The following TMEM192 variants were observed in gnomAD, a reference collection of about 807,000 sequenced individuals.
The protein encoded by TMEM192 is transmembrane protein 192.
In TMEM192, 20 loss-of-function variants were observed where a neutral mutation model predicts 26.7. The observed-to-expected ratio is 0.75, with a 90% confidence interval of 0.53 to 1.09. The LOEUF (loss-of-function observed/expected upper bound fraction) is 1.09, where lower values mean the gene tolerates loss of function less well. TMEM192 is among the 50% of genes least tolerant of loss of function. The probability of loss-of-function intolerance (pLI) is 0.00; values close to 1 mark genes in which losing one functional copy is unlikely to be tolerated. For synonymous variants in TMEM192, 124 were observed against 121.0 expected (o/e 1.02, Z -0.16); for missense variants, 304 against 322.6 (o/e 0.94, Z 0.44).
At chr4:165,090,291 T>C (rs1578903636) in intron 3 of TMEM192, among the ~76,000 whole-genome samples, 1 of 137,208 alleles carries the variant, frequency 7.3e-6, no homozygotes, top group Non-Finnish European at 1.5e-5. Context: ...TTTGAGGTGG[T>C]AGAATTGCTT....
chr4:165,079,672 G>C lies in TMEM192; in HGVS notation c.802C>G (p.Pro268Ala). Residue 268 changes from proline to alanine, a missense_variant, in exon 6 of 6, where the codon CCA (proline) becomes GCA (alanine). Transcript: ENST00000306480. The part of the protein sequence containing the change: ...ALTSSDLGCQ[P>A]SRT Reference sequence around the variant, plus strand: ...CCGTGAGCCTCTCACGTTCTACTTGGCTGACAGCCCAGGTCTGAGGAAGTG... The same window carrying C: ...CCGTGAGCCTCTCACGTTCTACTTGCCTGACAGCCCAGGTCTGAGGAAGTG... 5 of 1,611,054 alleles carry C rather than the reference G, an allele frequency of 3.1e-6. No individual in the cohort carries two copies. The highest frequency in any genetic ancestry group is 4.2e-6 in the Non-Finnish European group (5 of 1,178,490).
chr4:165,112,354 C>T (rs1735314950), intron 1 of TMEM192, among the ~76,000 whole-genome samples: 1 of 152,320 alleles, frequency 6.6e-6, no homozygotes, highest in Non-Finnish European at 1.5e-5. Context: ...GAGCGGAACC[C>T]ATCGGCCCGG....
At chr4:165,094,552 G>C (rs1734847314) in intron 3 of TMEM192, among the ~76,000 whole-genome samples, 1 of 152,048 alleles carries the variant, frequency 6.6e-6, no homozygotes, top group South Asian at 2.1e-4. Flanking sequence ...AGCTACTCGG[G>C]AGGCTGAGGC....
chr4:165,071,042 AG>A lies in TMEM192; in HGVS notation c.*8615del. The A allele has an allele frequency of 6.6e-6, 1 of 152,202 alleles. No individual in the cohort carries two copies. The highest frequency in any genetic ancestry group is 2.1e-4 in the South Asian group (1 of 4,826). 9.4% of individuals were successfully genotyped at this position (152,202 alleles called of 1,614,324 possible). A position where few individuals can be genotyped will look rare whatever the true frequency, so the allele number is the denominator to read the frequency against. ...GTGATGCCTGGAGCCACAGGTCTGC[AG>A]GGGAATCATTGCAAGACCTCAGGTG... On this transcript the variant is annotated 3_prime_UTR_variant, in exon 6 of 6. Transcript: ENST00000306480.
chr4:165,074,732 T>G lies in TMEM192; in HGVS notation c.*4926A>C, dbSNP rs1333680497. ...TGCTGGAATTACCGGTGTGAGCCACTGCGCCCAGCCTTAATTTTGTATTTT... is the reference window on the plus strand; with the variant it reads ...TGCTGGAATTACCGGTGTGAGCCACGGCGCCCAGCCTTAATTTTGTATTTT... On this transcript the variant is annotated 3_prime_UTR_variant, in exon 6 of 6. Transcript: ENST00000306480. 3 of 151,636 alleles carry G rather than the reference T, an allele frequency of 2.0e-5. No individual in the cohort carries two copies. Among genetic ancestry groups the G allele is most frequent in the Non-Finnish European group, 4.4e-5 (3 of 67,970 alleles). The allele number at this position is 151,636 out of a possible 1,614,324, so 9.4% of individuals were successfully genotyped here. A position where few individuals can be genotyped will look rare whatever the true frequency, so the allele number is the denominator to read the frequency against.
At chr4:165,112,450 C>T (rs1735317814) in intron 1 of TMEM192, among the ~76,000 whole-genome samples, 1 of 152,206 alleles carries the variant, frequency 6.6e-6, no homozygotes, top group South Asian at 2.1e-4. Context: ...AGACGTACCC[C>T]GCACGTGGGC....
intron 1 of TMEM192, among the ~76,000 whole-genome samples, chr4:165,109,915 C>T (rs764595319): frequency 2.6e-5 from 4 of 152,152 alleles, no homozygotes; most frequent in Non-Finnish European, 2.9e-5. Context: ...TCCTATAAAA[C>T]TTATTGCCCA....
At chr4:165,104,527 TTTTG>T (rs963078584) in intron 1 of TMEM192, among the ~76,000 whole-genome samples, 23 of 152,128 alleles carry the variant, frequency 1.5e-4, no homozygotes, top group South Asian at 4.2e-4. Flanking sequence ...GTTTTTGTTG[TTTTG>T]TTTGTTTGTT....
Position 165,079,620 on chromosome 4 carries a change from TG to T in TMEM192, c.*37del. 1 of 1,585,082 alleles carries T rather than the reference TG, an allele frequency of 6.3e-7. No homozygotes were observed. Among genetic ancestry groups the T allele is most frequent in the Non-Finnish European group, 8.6e-7 (1 of 1,163,394 alleles). The stretch of plus-strand genomic sequence containing the variant: ...GGTGGTCAGTCAGTCTCAATTACTC[TG>T]GGTTCCTCTGCAATTGCTGTCATGA... On this transcript the variant is annotated 3_prime_UTR_variant, in exon 6 of 6. Coordinates refer to ENST00000306480, the MANE Select transcript of TMEM192 (RefSeq NM_001100389.2).
At chr4:165,104,821 G>A (rs750631014) in intron 1 of TMEM192, among the ~76,000 whole-genome samples, 5 of 152,090 alleles carry the variant, frequency 3.3e-5, no homozygotes, top group Non-Finnish European at 5.9e-5. Flanking sequence ...ATGAGCCACC[G>A]CGCCTGGCCA....
chr4:165,092,401 C>A (rs140942481), intron 3 of TMEM192, among the ~76,000 whole-genome samples: 2,000 of 152,120 alleles, frequency 0.013, 37 homozygotes, highest in African/African-American at 0.044. Context: ...GGATTACAGG[C>A]GTAAGCCACC....
intron 1 of TMEM192, chr4:165,111,715 T>C (rs1735296452): frequency 6.6e-6 from 1 of 152,214 alleles, no homozygotes; most frequent in African/African-American, 2.4e-5. Flanking sequence ...TCATTAGAAA[T>C]TGTTTGGTCT....
chr4:165,107,174 G>A (rs543591743), intron 1 of TMEM192, among the ~76,000 whole-genome samples: 37 of 151,814 alleles, frequency 2.4e-4, no homozygotes, highest in Non-Finnish European at 2.8e-4. Context: ...ACAAGTGCCC[G>A]ACACCTTGTC....
At chr4:165,085,895 A>G (rs1734603662) in intron 4 of TMEM192, among the ~76,000 whole-genome samples, 1 of 152,082 alleles carries the variant, frequency 6.6e-6, no homozygotes, top group Non-Finnish European at 1.5e-5. Context: ...TGCACTTAGA[A>G]CACATGAGGC....
At chr4:165,080,098 A>G (rs1734487415) in intron 5 of TMEM192, among the ~76,000 whole-genome samples, 2 of 152,216 alleles carry the variant, frequency 1.3e-5, no homozygotes, top group African/African-American at 4.8e-5. Flanking sequence ...GAGTATAAGT[A>G]ATCAACTTAA....
At chr4:165,090,673 G>A (rs1560929045) in intron 3 of TMEM192, among the ~76,000 whole-genome samples, 1 of 152,124 alleles carries the variant, frequency 6.6e-6, no homozygotes, top group Admixed American at 6.6e-5. Context: ...GGGAGGCTGA[G>A]GCAGGTGGAT....
At chr4:165,096,192 G>A (rs923004179) in intron 3 of TMEM192, among the ~76,000 whole-genome samples, 1 of 151,872 alleles carries the variant, frequency 6.6e-6, no homozygotes, top group Non-Finnish European at 1.5e-5. Flanking sequence ...CGGATCACCT[G>A]AGGTTAGGAG....
At chr4:165,084,137 CTTTTTT>C (rs1734553435) in intron 5 of TMEM192, among the ~76,000 whole-genome samples, 3 of 151,458 alleles carry the variant, frequency 2.0e-5, no homozygotes, top group Admixed American at 6.6e-5. Flanking sequence ...TTTTCTTTTT[CTTTTTT>C]TAACTAGTAC....
intron 3 of TMEM192, among the ~76,000 whole-genome samples, chr4:165,095,882 C>T (rs868507503): frequency 2.6e-5 from 4 of 152,028 alleles, no homozygotes; most frequent in Middle Eastern, 3.4e-3. Flanking sequence ...TCAAGCAATT[C>T]TCCTGCCTCA....
Sources: gnomAD v4.1 joint callset for allele counts (sites outside exome capture counted in the v4.1 genomes callset) on GRCh38, gnomAD v4.1.1 for gene constraint, MANE v1.5 for transcripts, NCBI Gene and HGNC (gene_info 2026-07-23, HGNC 2026-07-21) for gene names.